Variants in TBC1D22A observed in about 807,000 individuals in gnomAD.
TBC1D22A encodes putative GTPase activator.
In TBC1D22A, 38 loss-of-function variants were observed where a neutral mutation model predicts 60.2. The observed-to-expected ratio is 0.63, with a 90% CI of 0.49 to 0.83. The LOEUF is 0.83. TBC1D22A is among the 40% of genes least tolerant of loss of function. The probability of loss-of-function intolerance (pLI) is 0.00; values close to 1 mark genes in which losing one functional copy is unlikely to be tolerated. For synonymous variants in TBC1D22A, 302 were observed against 281.7 expected (o/e 1.07, Z -0.72); for missense variants, 628 against 701.0 (o/e 0.90, Z 1.18).
chr22:47,151,005 C>G (rs553363610), intron 12 of TBC1D22A, among the ~76,000 whole-genome samples: 8 of 152,290 alleles, frequency 5.3e-5, no homozygotes, highest in Admixed American at 5.2e-4. Flanking sequence ...CCTTGCTCTT[C>G]CTGCTGTGAT....
chr22:47,102,794 C>T (rs531043198), intron 11 of TBC1D22A, among the ~76,000 whole-genome samples: 2 of 152,210 alleles, frequency 1.3e-5, no homozygotes, highest in South Asian at 4.1e-4. Context: ...CTGACCTTTG[C>T]ACTCCCTGGT....
At chr22:47,015,849 G>A (rs1356059054) in intron 10 of TBC1D22A, among the ~76,000 whole-genome samples, 1 of 152,178 alleles carries the variant, frequency 6.6e-6, no homozygotes, top group Admixed American at 6.5e-5. Context: ...GTAGCCTGGA[G>A]CCAGGCCAGC....
At chr22:46,788,413 G>A (rs1258251098) in intron 1 of TBC1D22A, among the ~76,000 whole-genome samples, 2 of 152,220 alleles carry the variant, frequency 1.3e-5, no homozygotes, top group East Asian at 1.9e-4. Context: ...ATTGCTTGCA[G>A]TATTGATAGT....
chr22:47,124,909 A>G (rs2066401779), intron 12 of TBC1D22A, among the ~76,000 whole-genome samples: 1 of 152,064 alleles, frequency 6.6e-6, no homozygotes, highest in South Asian at 2.1e-4. Context: ...GAGGACAAAG[A>G]TGGTGCCTGC....
chr22:46,775,984 G>T (rs2083687442), intron 1 of TBC1D22A, among the ~76,000 whole-genome samples: 1 of 152,248 alleles, frequency 6.6e-6, no homozygotes, highest in Non-Finnish European at 1.5e-5. Flanking sequence ...GTGCAAAGGT[G>T]AGCCTGGTGT....
intron 12 of TBC1D22A, among the ~76,000 whole-genome samples, chr22:47,132,004 G>A (rs1415752507): frequency 1.3e-5 from 2 of 152,204 alleles, no homozygotes; most frequent in African/African-American, 4.8e-5. Context: ...ATAAACTTTG[G>A]TCAAGTACGG....
chr22:47,090,964 G>A (rs1231359717), intron 11 of TBC1D22A, among the ~76,000 whole-genome samples: 1 of 139,662 alleles, frequency 7.2e-6, no homozygotes, highest in Admixed American at 7.2e-5. Flanking sequence ...AGACAGGCAC[G>A]AGAAGTTGTC....
intron 8 of TBC1D22A, among the ~76,000 whole-genome samples, chr22:46,957,080 C>T (rs535226093): frequency 1.1e-4 from 16 of 152,290 alleles, no homozygotes; most frequent in African/African-American, 2.4e-4. Context: ...TGGGGAGCCT[C>T]GAGACCTTTC....
At chr22:46,772,867 A>G (rs541056494) in intron 1 of TBC1D22A, among the ~76,000 whole-genome samples, 1 of 152,198 alleles carries the variant, frequency 6.6e-6, no homozygotes, top group South Asian at 2.1e-4. Context: ...TGACCTCCTG[A>G]TCCTCCTGCC....
chr22:46,774,836 C>T (rs567425043), intron 1 of TBC1D22A, among the ~76,000 whole-genome samples: 10 of 152,310 alleles, frequency 6.6e-5, no homozygotes, highest in South Asian at 2.1e-4. Context: ...AGCGCTGCCT[C>T]GCCCTCCGCC....
At chr22:46,890,634 A>G (rs921184987) in intron 5 of TBC1D22A, among the ~76,000 whole-genome samples, 4 of 152,168 alleles carry the variant, frequency 2.6e-5, no homozygotes, top group African/African-American at 9.7e-5. Flanking sequence ...AACAGAAACC[A>G]TGAAATCCTG....
intron 4 of TBC1D22A, among the ~76,000 whole-genome samples, chr22:46,873,555 A>T (rs1602254143): frequency 6.6e-6 from 1 of 152,144 alleles, no homozygotes; most frequent in South Asian, 2.1e-4. Flanking sequence ...CAGGATGTGC[A>T]GGTTTGTTAC....
At chr22:46,830,508 G>A (rs916968037) in intron 4 of TBC1D22A, among the ~76,000 whole-genome samples, 1 of 152,232 alleles carries the variant, frequency 6.6e-6, no homozygotes, top group Non-Finnish European at 1.5e-5. Flanking sequence ...CAGTCTGTCT[G>A]GGACCGCTCC....
intron 4 of TBC1D22A, among the ~76,000 whole-genome samples, chr22:46,801,562 C>T (rs565610041): frequency 3.3e-5 from 5 of 152,346 alleles, no homozygotes; most frequent in African/African-American, 4.8e-5. Flanking sequence ...TTTGAAGCCC[C>T]GGAAAATGAC....
At chr22:47,159,669 A>G (rs186137430) in intron 12 of TBC1D22A, among the ~76,000 whole-genome samples, 1,601 of 151,800 alleles carry the variant, frequency 0.011, 17 homozygotes, top group Non-Finnish European at 0.017. Context: ...CAGTACACAC[A>G]TGCACATAGA....
At chr22:47,128,550 T>C (rs1393301953) in intron 12 of TBC1D22A, among the ~76,000 whole-genome samples, 2 of 151,058 alleles carry the variant, frequency 1.3e-5, no homozygotes, top group Non-Finnish European at 2.9e-5. Context: ...ACTTAACTCA[T>C]GAAGGCACTT....
In TBC1D22A at chr22:46,777,553, A is replaced by T. The variant is rs894542022; in HGVS notation, c.62+14705A>T. Among the ~76,000 whole-genome samples the T allele has an allele frequency of 6.6e-6, 1 of 152,060 alleles. No individual in the cohort carries two copies. Among genetic ancestry groups the T allele is most frequent in the African/African-American group, 2.4e-5 (1 of 41,392 alleles). On this transcript the variant is annotated intron_variant, in intron 1 of 12. Transcript: ENST00000337137. The surrounding 1 kb of genome is among the most constrained non-coding windows in gnomAD (Gnocchi z 4.5). Reference sequence around the variant, plus strand: ...AGGAGAGAGCATGATTTTTCATAAGAGAAGGAAGGAGGACTGAGGACTCGG... The same window carrying T: ...AGGAGAGAGCATGATTTTTCATAAGTGAAGGAAGGAGGACTGAGGACTCGG...
chr22:47,054,629 C>T (rs1381122292), intron 11 of TBC1D22A, among the ~76,000 whole-genome samples: 1 of 152,200 alleles, frequency 6.6e-6, no homozygotes, highest in Non-Finnish European at 1.5e-5. Flanking sequence ...CCCTTCGAAT[C>T]CTGGGCACTC....
At chr22:47,110,990 C>T (rs1344581986) in intron 11 of TBC1D22A, among the ~76,000 whole-genome samples, 5 of 152,196 alleles carry the variant, frequency 3.3e-5, no homozygotes, top group South Asian at 2.1e-4. Flanking sequence ...CGTGTCCTTC[C>T]GCGTCCGTGG....
Sources: allele counts gnomAD v4.1 joint callset (sites outside exome capture counted in the v4.1 genomes callset), GRCh38; gene constraint gnomAD v4.1.1; non-coding constraint Gnocchi (gnomAD v3.1); transcripts MANE v1.5; gene names NCBI Gene and HGNC (gene_info 2026-07-23, HGNC 2026-07-21).